The following ITGA1 variants were observed in gnomAD, a reference collection of about 807,000 sequenced individuals.
The protein encoded by ITGA1 is integrin alpha-1.
Under a neutral mutation model 145.9 loss-of-function variants are expected in ITGA1, and 85 were observed. The observed-to-expected ratio is 0.58, with a 90% confidence interval of 0.49 to 0.70. The LOEUF is 0.70. ITGA1 is among the 30% of genes least tolerant of loss of function. The probability of loss-of-function intolerance (pLI) is 0.00; values close to 1 mark genes in which losing one functional copy is unlikely to be tolerated. For synonymous variants in ITGA1, 520 were observed against 495.3 expected (o/e 1.05, Z -0.66); for missense variants, 1,351 against 1,418.7 (o/e 0.95, Z 0.77).
chr5:52,917,497 A>G (rs1177301668), intron 15 of ITGA1, among the ~76,000 whole-genome samples: 1 of 152,182 alleles, frequency 6.6e-6, no homozygotes, highest in Non-Finnish European at 1.5e-5. Context: ...AAATTAAGCT[A>G]AATATCCAAT....
At chr5:52,949,049 TTAA>T (rs1292285169) in intron 28 of ITGA1, 1 of 152,170 alleles carries the variant, frequency 6.6e-6, no homozygotes, top group Non-Finnish European at 1.5e-5. Flanking sequence ...TAGGTTATTA[TTAA>T]TATTATTATT....
chr5:52,893,864 G>C (rs746561918), intron 9 of ITGA1, 24 bp downstream of exon 9: 1 of 1,561,954 alleles, frequency 6.4e-7, no homozygotes, highest in Non-Finnish European at 8.8e-7. Context: ...TCTTATTGCT[G>C]CATGTTCTCT....
rs1751296298 is a variant in ITGA1, at chr5:52,955,890, T to C, written c.*3439T>C. On this transcript the variant is annotated 3_prime_UTR_variant, in exon 29 of 29. Coordinates refer to ENST00000282588, the MANE Select transcript of ITGA1 (RefSeq NM_181501.2). ...GTAGTAAACAGATATTTTTACAAAA[T>C]TTGATGCTTCTGCAACCATAATAAT... is the stretch of plus-strand genomic sequence containing the variant. 6.6e-6 allele frequency: 1 copy of C among 152,024 alleles called. No homozygotes were observed. The highest frequency in any genetic ancestry group is 1.5e-5 in the Non-Finnish European group (1 of 68,006). The allele number at this position is 152,024 out of a possible 1,614,324, so 9.4% of individuals were successfully genotyped here.
At chr5:52,860,985 G>T (rs1176653070) in intron 2 of ITGA1, among the ~76,000 whole-genome samples, 1 of 152,088 alleles carries the variant, frequency 6.6e-6, no homozygotes, top group African/African-American at 2.4e-5. Context: ...TATAAAATTA[G>T]CAGTTCATCA....
At chr5:52,868,472 T>G (rs1011173678) in intron 6 of ITGA1, among the ~76,000 whole-genome samples, 1 of 152,226 alleles carries the variant, frequency 6.6e-6, no homozygotes, top group Non-Finnish European at 1.5e-5. Flanking sequence ...CAGTTAGAAC[T>G]ATAATTAATT....
At chr5:52,800,120 C>T (rs1038729630) in intron 1 of ITGA1, 4 of 408,724 alleles carry the variant, frequency 9.8e-6, no homozygotes, top group African/African-American at 6.2e-5. Flanking sequence ...CTGTTGCGTG[C>T]TGCCAGCGGG....
chr5:52,913,891 G>C (rs936220435), intron 14 of ITGA1, among the ~76,000 whole-genome samples: 1 of 152,048 alleles, frequency 6.6e-6, no homozygotes, highest in Non-Finnish European at 1.5e-5. Flanking sequence ...TAAATAATTT[G>C]TTTCTGTTGA....
At chr5:52,884,721 A>T (rs538206348) in intron 7 of ITGA1, among the ~76,000 whole-genome samples, 1 of 152,324 alleles carries the variant, frequency 6.6e-6, no homozygotes, top group East Asian at 1.9e-4. Context: ...GCAGATAAAT[A>T]GTAGGAAAAA....
At chr5:52,945,073 C>G in intron 27 of ITGA1, 38 bp downstream of exon 27, 1 of 1,425,818 alleles carries the variant, frequency 7.0e-7, no homozygotes, top group Non-Finnish European at 9.9e-7. Context: ...TTATGCATTT[C>G]ACTCTGAATT....
intron 1 of ITGA1, among the ~76,000 whole-genome samples, chr5:52,789,091 A>C (rs1163073558): frequency 3.3e-5 from 5 of 152,200 alleles, no homozygotes; most frequent in Non-Finnish European, 7.3e-5. Context: ...ATTTTTAAGG[A>C]GGGGACTTAA....
In ITGA1 at chr5:52,954,605, T is replaced by C. The variant is rs1751275700; in HGVS notation, c.*2154T>C. ...CAGAAGTCCTGTTTCTCTAATATTA[T>C]AATTTGTTGAGGTTTGTGTGTGTGT... On this transcript the variant is annotated 3_prime_UTR_variant, in exon 29 of 29. Coordinates refer to ENST00000282588, the MANE Select transcript of ITGA1 (RefSeq NM_181501.2). The C allele has an allele frequency of 7.0e-6, 1 of 143,370 alleles. No homozygotes were observed. The highest frequency in any genetic ancestry group is 2.3e-4 in the South Asian group (1 of 4,302). The allele number at this position is 143,370 out of a possible 1,614,324, so 8.9% of individuals were successfully genotyped here.
chr5:52,796,121 TTCAATTCCC>T (rs1476956042), intron 1 of ITGA1, among the ~76,000 whole-genome samples: 4 of 151,992 alleles, frequency 2.6e-5, no homozygotes, highest in African/African-American at 9.7e-5. Context: ...AATTATTGAA[TTCAATTCCC>T]TCAATTCTTC....
chr5:52,858,531 G>T (rs1749551673), intron 2 of ITGA1, among the ~76,000 whole-genome samples: 1 of 152,150 alleles, frequency 6.6e-6, no homozygotes, highest in Admixed American at 6.5e-5. Context: ...TGGCATAAAT[G>T]CCCAGCATGT....
intron 1 of ITGA1, chr5:52,801,205 TAAG>T: frequency 1.5e-6 from 2 of 1,363,324 alleles, no homozygotes; most frequent in Non-Finnish European, 2.0e-6. Flanking sequence ...CTGGGAAAAA[TAAG>T]AAGAGAAAGT....
chr5:52,801,109 A>T, intron 1 of ITGA1: 1 of 1,601,328 alleles, frequency 6.2e-7, no homozygotes, highest in South Asian at 1.1e-5. Flanking sequence ...AAACCGGTCC[A>T]AATTTCTTCA....
chr5:52,809,355 G>T (rs1561214949), intron 1 of ITGA1, among the ~76,000 whole-genome samples: 2 of 152,024 alleles, frequency 1.3e-5, no homozygotes, highest in Admixed American at 1.3e-4. Flanking sequence ...GAGCTCAGAG[G>T]GCTAACTCAG....
At chr5:52,818,949 T>A (rs13357414) in intron 1 of ITGA1, among the ~76,000 whole-genome samples, 2,384 of 152,292 alleles carry the variant, frequency 0.016, 68 homozygotes, top group African/African-American at 0.054. Context: ...ATTTTGCTCA[T>A]GTATCTCATT....
At chr5:52,950,260 T>C (rs1010864520) in intron 28 of ITGA1, among the ~76,000 whole-genome samples, 1 of 152,198 alleles carries the variant, frequency 6.6e-6, no homozygotes, top group Non-Finnish European at 1.5e-5. Context: ...GATGTCATAA[T>C]GATGCCTGAA....
chr5:52,826,115 G>C (rs544128495), intron 1 of ITGA1, among the ~76,000 whole-genome samples: 163 of 152,292 alleles, frequency 1.1e-3, no homozygotes, highest in Non-Finnish European at 1.9e-3. Context: ...AGTCATGAAT[G>C]TAAAGGAGAA....
Sources: allele counts gnomAD v4.1 joint callset (sites outside exome capture counted in the v4.1 genomes callset), GRCh38; gene constraint gnomAD v4.1.1; transcripts MANE v1.5; gene names NCBI Gene and HGNC (gene_info 2026-07-23, HGNC 2026-07-21).